DESI2: variants seen among roughly 807,000 people sequenced by gnomAD.
DESI2 encodes desumoylating isopeptidase 2.
In DESI2, 10 loss-of-function variants were observed where a neutral mutation model predicts 24.1. The ratio of observed to expected loss-of-function variants is 0.41; its 90% CI spans 0.26 to 0.70. The LOEUF (loss-of-function observed/expected upper bound fraction) is 0.70. Among genes scored for constraint, DESI2 ranks in the 30% least tolerant of loss-of-function variants. DESI2 has a pLI of 0.29. For synonymous variants in DESI2, 71 were observed against 87.7 expected (o/e 0.81, Z 1.06); for missense variants, 122 against 234.9 (o/e 0.52, Z 3.14).
chr1:244,695,309 T>A (rs1315290932), intron 4 of DESI2, among the ~76,000 whole-genome samples: 2 of 152,236 alleles, frequency 1.3e-5, no homozygotes, highest in Non-Finnish European at 2.9e-5. Flanking sequence ...GCAAAAGGAC[T>A]GGCATTACCA....
intron 1 of DESI2, among the ~76,000 whole-genome samples, chr1:244,680,582 C>T (rs891554350): frequency 5.9e-5 from 9 of 152,208 alleles, no homozygotes; most frequent in South Asian, 4.1e-4. Context: ...CATCCAAAGG[C>T]ACATAATATC....
intron 1 of DESI2, among the ~76,000 whole-genome samples, chr1:244,667,603 C>T (rs1025582691): frequency 6.6e-6 from 1 of 152,266 alleles, no homozygotes. Flanking sequence ...CAAATCCATG[C>T]ATCCTGATTC....
intron 1 of DESI2, among the ~76,000 whole-genome samples, chr1:244,683,959 C>A (rs2148802482): frequency 6.6e-6 from 1 of 151,992 alleles, no homozygotes; most frequent in South Asian, 2.1e-4. Context: ...CCCGCCTCAA[C>A]CTCCCAAAGT....
Position 244,705,098 on chromosome 1 carries a change from G to A in DESI2, c.352-458G>A, listed in dbSNP as rs572943240. Among the ~76,000 whole-genome samples, 254 of 152,260 alleles carry A rather than the reference G, an allele frequency of 1.7e-3. 2 individuals carry two copies. Among genetic ancestry groups the A allele is most frequent in the African/African-American group, 6.0e-3 (248 of 41,548 alleles). On this transcript the variant is annotated intron_variant, in intron 4 of 4. Coordinates refer to ENST00000302550, the MANE Select transcript of DESI2 (RefSeq NM_016076.5). ...GAGAAATGGAGTGATAGACACTGGA[G>A]AAAAGGGGAAAGTCAAAAAGAATCT...
chr1:244,705,727 G>A lies in DESI2; in HGVS notation c.523G>A (p.Ala175Thr), dbSNP rs778010912. The A allele has an allele frequency of 3.1e-5, 50 of 1,613,654 alleles. No individual in the cohort carries two copies. The highest frequency in any genetic ancestry group is 7.7e-5 in the South Asian group (7 of 91,088). The change falls in exon 5 of 5, where the codon GCA (alanine) becomes ACA (threonine). Residue 175 changes from alanine to threonine, a missense_variant. Ala to Thr is a moderately conservative substitution (Grantham distance 58). Coordinates refer to ENST00000302550, the MANE Select transcript of DESI2 (RefSeq NM_016076.5). ...ACTGGAGGAAGCAGAGGATGCTGCC[G>A]CATCCGCTTCCGTGGCAAGCACTGC... ...DELEEAEDAA[A>T]SASVASTAAG...
chr1:244,660,437 A>T (rs1675802676), intron 1 of DESI2, among the ~76,000 whole-genome samples: 1 of 152,164 alleles, frequency 6.6e-6, no homozygotes, highest in South Asian at 2.1e-4. Flanking sequence ...AAGTGCTGGG[A>T]TTATAGGCGT....
chr1:244,664,043 AATTAT>A (rs199654884), intron 1 of DESI2, among the ~76,000 whole-genome samples: 2,963 of 147,694 alleles, frequency 0.02, 89 homozygotes, highest in African/African-American at 0.073. Flanking sequence ...AAAAAAAAAA[AATTAT>A]TTAAGAACTT....
chr1:244,661,086 G>A (rs574732130), intron 1 of DESI2, among the ~76,000 whole-genome samples: 3 of 152,160 alleles, frequency 2.0e-5, no homozygotes, highest in South Asian at 2.1e-4. Flanking sequence ...ACTGTGTTAG[G>A]TATATTCACA....
intron 4 of DESI2, among the ~76,000 whole-genome samples, chr1:244,698,070 C>T (rs537326885): frequency 6.6e-6 from 1 of 152,218 alleles, no homozygotes; most frequent in East Asian, 1.9e-4. Context: ...GTAGCGGGGG[C>T]AGTTAATGGC....
At chr1:244,703,811 A>C (rs2148819939) in intron 4 of DESI2, among the ~76,000 whole-genome samples, 1 of 152,102 alleles carries the variant, frequency 6.6e-6, no homozygotes, top group South Asian at 2.1e-4. Flanking sequence ...GGTGCCCGCC[A>C]CCACGCCTAG....
rs569307739 is a variant in DESI2, at chr1:244,689,907, A to G, written c.209+565A>G. Among the ~76,000 whole-genome samples, 28 of 152,318 alleles carry G rather than the reference A, an allele frequency of 1.8e-4. No homozygotes were observed. In the South Asian group the frequency reaches 5.8e-3, roughly 32 times the overall value. On this transcript the variant is annotated intron_variant, in intron 3 of 4. Coordinates refer to ENST00000302550, the MANE Select transcript of DESI2 (RefSeq NM_016076.5). This position sits in a 1 kb window ranked among gnomAD's most constrained non-coding sequence, Gnocchi z 4.0. ...TACCTAGCAAATTAAAAATGTCTTTATTGTCCCAATGAAAGGGACACTTTA... is the reference window on the plus strand; with the variant it reads ...TACCTAGCAAATTAAAAATGTCTTTGTTGTCCCAATGAAAGGGACACTTTA...
intron 2 of DESI2, 56 bp downstream of exon 2, chr1:244,686,725 T>C: frequency 8.7e-7 from 1 of 1,152,186 alleles, no homozygotes; most frequent in African/African-American, 1.5e-5. Flanking sequence ...TTTAAAAGAG[T>C]TGCAAAATCA....
Position 244,705,788 on chromosome 1 carries a change from A to G in DESI2, c.584A>G (p.Ter195=), listed in dbSNP as rs1253346045. 1.9e-6 allele frequency: 3 copies of G among 1,603,580 alleles called. No individual in the cohort carries two copies. The highest frequency in any genetic ancestry group is 8.5e-7 in the Non-Finnish European group (1 of 1,176,706). Residue 195 remains the stop codon, a stop_retained_variant, in exon 5 of 5, where the codon TAA becomes TGA. Transcript: ENST00000302550. ...GSRPGRHTKL[*] ...AGACCCGGGCGCCACACTAAACTAT[A>G]AATGTCTCCAAAGTCACACATTCAG...
chr1:244,701,212 T>TCCC (rs1677442100), intron 4 of DESI2, among the ~76,000 whole-genome samples: 10 of 57,748 alleles, frequency 1.7e-4, no homozygotes, highest in Admixed American at 6.7e-4. Context: ...CACCTTCCCC[T>TCCC]CCACCCCCCC....
intron 1 of DESI2, among the ~76,000 whole-genome samples, chr1:244,674,350 T>TA (rs1676345982): frequency 6.6e-6 from 1 of 151,256 alleles, no homozygotes; most frequent in Non-Finnish European, 1.5e-5. Context: ...CTTTTTGAGA[T>TA]ACTGTTCATA....
chr1:244,707,161 AAT>A lies in DESI2; in HGVS notation c.*1376_*1377del, dbSNP rs1469115745. On this transcript the variant is annotated 3_prime_UTR_variant, in exon 5 of 5. Coordinates refer to ENST00000302550, the MANE Select transcript of DESI2 (RefSeq NM_016076.5). The stretch of plus-strand genomic sequence containing the variant: ...TGACTTCAGCTTTATATACATATAA[AAT>A]ATAGTTAGTTTTAAAATTATTGACA... 1 of 152,638 alleles carries A rather than the reference AAT, an allele frequency of 6.6e-6. No homozygotes were observed. Among genetic ancestry groups the A allele is most frequent in the African/African-American group, 2.4e-5 (1 of 41,462 alleles). 9.5% of individuals were successfully genotyped at this position (152,638 alleles called of 1,614,324 possible).
chr1:244,671,529 G>A (rs1388996630), intron 1 of DESI2, among the ~76,000 whole-genome samples: 1 of 151,350 alleles, frequency 6.6e-6, no homozygotes, highest in African/African-American at 2.4e-5. Context: ...AATAAAAGTT[G>A]TCTTCCCCCA....
At chr1:244,668,031 A>G (rs1311779358) in intron 1 of DESI2, among the ~76,000 whole-genome samples, 1 of 152,256 alleles carries the variant, frequency 6.6e-6, no homozygotes, top group Non-Finnish European at 1.5e-5. Flanking sequence ...AAAATGAGGT[A>G]TTGACTATAT....
intron 4 of DESI2, among the ~76,000 whole-genome samples, chr1:244,700,202 C>T (rs758949772): frequency 8.5e-5 from 13 of 152,126 alleles, no homozygotes; most frequent in Non-Finnish European, 4.4e-5. Flanking sequence ...TCCTATGAGT[C>T]CTCTAAAATC....
Sources: gnomAD v4.1 joint callset for allele counts (sites outside exome capture counted in the v4.1 genomes callset) on GRCh38, gnomAD v4.1.1 for gene constraint, Gnocchi (gnomAD v3.1) non-coding constraint, MANE v1.5 for transcripts, NCBI Gene and HGNC (gene_info 2026-07-23, HGNC 2026-07-21) for gene names.